COG5: variants seen among roughly 807,000 people sequenced by gnomAD.
The protein encoded by COG5 is conserved oligomeric Golgi complex subunit 5.
In COG5, 86 loss-of-function variants were observed where a neutral mutation model predicts 110.4. The ratio of observed to expected loss-of-function variants is 0.78; its 90% CI spans 0.65 to 0.93. COG5 has a LOEUF of 0.93. Among genes scored for constraint, COG5 ranks in the 40% least tolerant of loss-of-function variants. COG5 has a pLI of 0.00. For missense variants in COG5, 1,077 were observed against 987.0 expected (o/e 1.09, Z -1.22); for synonymous variants, 360 against 334.6 (o/e 1.08, Z -0.83).
intron 8 of COG5, among the ~76,000 whole-genome samples, chr7:107,363,947 C>A (rs537050781): frequency 4.0e-5 from 6 of 148,456 alleles, no homozygotes; most frequent in African/African-American, 1.5e-4. Context: ...AAGAGCAAAA[C>A]TCCATCTCAA....
chr7:107,307,431 G>A (rs930918610), intron 11 of COG5, among the ~76,000 whole-genome samples: 1 of 152,126 alleles, frequency 6.6e-6, no homozygotes, highest in Non-Finnish European at 1.5e-5. Context: ...AACATATAAT[G>A]TAGAGAGAAT....
chr7:107,552,106 A>G (rs1584959328), intron 3 of COG5, among the ~76,000 whole-genome samples: 1 of 152,176 alleles, frequency 6.6e-6, no homozygotes, highest in East Asian at 1.9e-4. Flanking sequence ...TATAAACTAA[A>G]ACACATATTT....
Position 107,202,403 on chromosome 7 carries a change from TA to T in COG5, c.*1112del, listed in dbSNP as rs2116065152. 6.5e-6 allele frequency: 1 copy of T among 152,754 alleles called. No homozygotes were observed. The highest frequency in any genetic ancestry group is 2.1e-4 in the South Asian group (1 of 4,822). The allele number at this position is 152,754 out of a possible 1,614,324, so 9.5% of individuals were successfully genotyped here. A position where few individuals can be genotyped will look rare whatever the true frequency, so the allele number is the denominator to read the frequency against. Reference sequence around the variant, plus strand: ...TTACTTACCAAGTGGTGTTTCTGGTTAGGAATCACAGCTGTAAAATTGATTT... The same window carrying T: ...TTACTTACCAAGTGGTGTTTCTGGTTGGAATCACAGCTGTAAAATTGATTT... On this transcript the variant is annotated 3_prime_UTR_variant, in exon 22 of 22. Transcript: ENST00000297135.
intron 5 of COG5, among the ~76,000 whole-genome samples, chr7:107,532,497 A>G (rs1801284325): frequency 6.6e-6 from 1 of 152,244 alleles, no homozygotes; most frequent in Admixed American, 6.5e-5. Context: ...CACATAAAAC[A>G]TTCTCAGATT....
chr7:107,444,864 C>T (rs1446569805), intron 6 of COG5, among the ~76,000 whole-genome samples: 1 of 152,008 alleles, frequency 6.6e-6, no homozygotes, highest in Admixed American at 6.6e-5. Context: ...ACACACATAC[C>T]CTCATAATTT....
intron 6 of COG5, among the ~76,000 whole-genome samples, chr7:107,509,369 A>G (rs908306171): frequency 3.3e-5 from 5 of 152,176 alleles, no homozygotes; most frequent in African/African-American, 1.2e-4. Flanking sequence ...AAAGAAATGA[A>G]CAAAGCCTCC....
chr7:107,419,187 A>G (rs575485120), intron 6 of COG5, among the ~76,000 whole-genome samples: 1 of 152,342 alleles, frequency 6.6e-6, no homozygotes, highest in South Asian at 2.1e-4. Context: ...TAAGGCAAAA[A>G]TTTTAAAGTC....
intron 2 of COG5, among the ~76,000 whole-genome samples, chr7:107,557,451 AC>A (rs1803405020): frequency 6.6e-6 from 1 of 152,306 alleles, no homozygotes; most frequent in Non-Finnish European, 1.5e-5. Context: ...AGATTAAAAA[AC>A]AAAAAAGCAA....
chr7:107,216,815 C>A (rs909715038), intron 19 of COG5, among the ~76,000 whole-genome samples: 1 of 151,930 alleles, frequency 6.6e-6, no homozygotes, highest in Non-Finnish European at 1.5e-5. Flanking sequence ...AAATAAAGAA[C>A]CTACTCAAGA....
At chr7:107,206,738 G>GAA (rs112207691) in intron 21 of COG5, among the ~76,000 whole-genome samples, 25,322 of 152,202 alleles carry the variant, frequency 0.17, 2,405 homozygotes, top group Non-Finnish European at 0.22. Flanking sequence ...ACATGTAGAA[G>GAA]AGATCAGAAA....
At position 107,239,064 on chromosome 7, in the gene COG5, C is replaced by T. The variant is rs566417314; in HGVS notation, c.1854-2377G>A. On this transcript the variant is annotated intron_variant, in intron 17 of 21. Coordinates refer to ENST00000297135, the MANE Select transcript of COG5 (RefSeq NM_006348.5). The stretch of plus-strand genomic sequence containing the variant: ...TCCAAAAAATTATTGCTCAGATTTT[C>T]CTGTTTTCTTAAATTTGTTTTAGTT... Among the ~76,000 whole-genome samples the T allele has an allele frequency of 9.8e-4, 149 of 152,092 alleles. 1 individual carries two copies. The highest frequency in any genetic ancestry group is 1.8e-3 in the Non-Finnish European group (119 of 67,920).
chr7:107,403,899 CTAT>C (rs113864164), intron 7 of COG5, among the ~76,000 whole-genome samples: 29,150 of 151,138 alleles, frequency 0.19, 2,975 homozygotes, highest in Non-Finnish European at 0.21. Flanking sequence ...TTAGGTGACT[CTAT>C]TATTATTATT....
chr7:107,498,386 G>C (rs1472943560), intron 6 of COG5, among the ~76,000 whole-genome samples: 4 of 152,110 alleles, frequency 2.6e-5, no homozygotes, highest in Admixed American at 2.0e-4. Flanking sequence ...ATCTGATAAA[G>C]GGTTAATTTC....
intron 10 of COG5, among the ~76,000 whole-genome samples, chr7:107,352,306 G>A (rs181075415): frequency 4.6e-4 from 48 of 105,030 alleles, no homozygotes; most frequent in Non-Finnish European, 7.5e-4. Flanking sequence ...GTTGTGGGGT[G>A]GGGGGAGGGG....
At chr7:107,284,116 G>A (rs1323966696) in intron 12 of COG5, among the ~76,000 whole-genome samples, 2 of 152,024 alleles carry the variant, frequency 1.3e-5, no homozygotes, top group African/African-American at 2.4e-5. Context: ...GTAGAGACAG[G>A]GTTTTGCCAT....
At chr7:107,453,761 A>G (rs1795496403) in intron 6 of COG5, among the ~76,000 whole-genome samples, 1 of 152,186 alleles carries the variant, frequency 6.6e-6, no homozygotes, top group South Asian at 2.1e-4. Flanking sequence ...TGTGATTCAA[A>G]AGATTCAAAT....
At chr7:107,470,842 T>G (rs1303472818) in intron 6 of COG5, among the ~76,000 whole-genome samples, 4 of 152,042 alleles carry the variant, frequency 2.6e-5, no homozygotes, top group African/African-American at 7.2e-5. Context: ...CACTGAAAAT[T>G]AATTTGCAGT....
chr7:107,251,976 C>T (rs189739701), intron 16 of COG5, among the ~76,000 whole-genome samples: 1 of 151,622 alleles, frequency 6.6e-6, no homozygotes, highest in Non-Finnish European at 1.5e-5. Context: ...CTAGATTGAT[C>T]GAGAAAAAAA....
chr7:107,447,635 A>T (rs1795086553), intron 6 of COG5, among the ~76,000 whole-genome samples: 1 of 152,194 alleles, frequency 6.6e-6, no homozygotes, highest in Admixed American at 6.5e-5. Context: ...CATTTTTCAT[A>T]CAGTATCTCA....
Sources: gnomAD v4.1 joint callset for allele counts (sites outside exome capture counted in the v4.1 genomes callset) on GRCh38, gnomAD v4.1.1 for gene constraint, MANE v1.5 for transcripts, NCBI Gene and HGNC (gene_info 2026-07-23, HGNC 2026-07-21) for gene names.